TUB: variants seen among roughly 807,000 people sequenced by gnomAD.
TUB encodes tubby protein homolog.
A neutral mutation model predicts 59.7 loss-of-function variants in TUB; 33 were observed. That is an observed-to-expected ratio of 0.55 (90% confidence interval 0.42 to 0.74). The LOEUF is 0.74. Ranked by LOEUF, TUB falls within the 30% of genes least tolerant of loss-of-function variation. TUB has a pLI of 0.00. For synonymous variants in TUB, 293 were observed against 256.4 expected, an observed-to-expected ratio of 1.14 and a Z score of -1.36; for missense variants, 659 against 672.0, an observed-to-expected ratio of 0.98 and a Z score of 0.21.
At chr11:8,067,843 C>T (rs1325166466) in intron 2 of TUB, 3 of 152,322 alleles carry the variant, frequency 2.0e-5, no homozygotes, top group African/African-American at 7.2e-5. Flanking sequence ...ATGCGCTTTT[C>T]CAGTCACTTG....
In TUB at chr11:8,066,171, C is replaced by A. The variant is rs188560877; in HGVS notation, c.204-23439C>A. ...TGCCAGGGGAAGAATGGGCACTCTG[C>A]AGTTCTCTCCTCTAGCCCAGGGTGT... On this transcript the variant is annotated intron_variant, in intron 2 of 12. Transcript: ENST00000305253. 5.3e-5 allele frequency among the ~76,000 whole-genome samples: 8 copies of A among 152,290 alleles called. No homozygotes were observed. The East Asian group carries it at 1.5e-3, about 29-fold the overall frequency.
At chr11:8,073,714 C>A (rs1452677370) in intron 2 of TUB, among the ~76,000 whole-genome samples, 2 of 152,224 alleles carry the variant, frequency 1.3e-5, no homozygotes, top group Non-Finnish European at 2.9e-5. Flanking sequence ...AGCCTCAGAA[C>A]CACTCTTTCT....
In TUB at chr11:8,101,673, T is replaced by C; in HGVS notation, c.*54T>C. On this transcript the variant is annotated 3_prime_UTR_variant, in exon 12 of 12. Coordinates refer to ENST00000299506, the MANE Select transcript of TUB (RefSeq NM_177972.3). Reference sequence around the variant, plus strand: ...CAGCCTGGAGCGGAGCTTGCCTGCCTGCCTGTGGAGACAGCCCTGCCTATC... The same window carrying C: ...CAGCCTGGAGCGGAGCTTGCCTGCCCGCCTGTGGAGACAGCCCTGCCTATC... 1 of 1,598,646 alleles carries C rather than the reference T, an allele frequency of 6.3e-7. No homozygotes were observed. The highest frequency in any genetic ancestry group is 8.5e-7 in the Non-Finnish European group (1 of 1,172,852).
At chr11:8,054,319 A>G (rs1300849371) in intron 2 of TUB, among the ~76,000 whole-genome samples, 2 of 152,242 alleles carry the variant, frequency 1.3e-5, no homozygotes, top group South Asian at 2.1e-4. Flanking sequence ...CTAGAAATAT[A>G]GTAAGATTCA....
chr11:8,060,942 A>AG (rs1213669507), intron 2 of TUB, among the ~76,000 whole-genome samples: 3 of 152,206 alleles, frequency 2.0e-5, no homozygotes, highest in Non-Finnish European at 4.4e-5. Context: ...ATGCTTATGT[A>AG]GGCCTGGGCT....
At chr11:8,063,742 C>G (rs1188208011) in intron 2 of TUB, among the ~76,000 whole-genome samples, 1 of 152,128 alleles carries the variant, frequency 6.6e-6, no homozygotes. Context: ...AGGGCATGAA[C>G]AATTTTATAG....
At chr11:8,082,036 G>T (rs992750362) in intron 1 of TUB, among the ~76,000 whole-genome samples, 41 of 152,180 alleles carry the variant, frequency 2.7e-4, no homozygotes, top group Admixed American at 9.8e-4. Flanking sequence ...TGGTCATGTG[G>T]ACATGCACCC....
In TUB at chr11:8,086,138, G is replaced by A. The variant is rs528905504; in HGVS notation, c.39-3472G>A. Among the ~76,000 whole-genome samples the A allele has an allele frequency of 4.6e-5, 7 of 152,334 alleles. No homozygotes were observed. In the South Asian group the frequency reaches 6.2e-4, roughly 14 times the overall value. On this transcript the variant is annotated intron_variant, in intron 1 of 11. Coordinates refer to ENST00000299506, the MANE Select transcript of TUB (RefSeq NM_177972.3). ...TCAGCTGAAAGACCTATCCATCAGC[G>A]CCCTGTCTCTTGTCTGAGTCTCCTG...
chr11:8,026,632 T>G (rs1942503802), intron 1 of TUB, among the ~76,000 whole-genome samples: 1 of 152,240 alleles, frequency 6.6e-6, no homozygotes, highest in Admixed American at 6.5e-5. Flanking sequence ...GTGTCTTTAT[T>G]GATGCCAATA....
At chr11:8,066,017 C>A (rs4758278) in intron 2 of TUB, among the ~76,000 whole-genome samples, 57,201 of 151,844 alleles carry the variant, frequency 0.38, 11,755 homozygotes, top group South Asian at 0.5. Context: ...TGGGATTGGT[C>A]AGACATGAAA....
Position 8,081,312 on chromosome 11 carries a change from C to T in TUB, c.-199C>T. 9.5e-6 allele frequency: 9 copies of T among 950,504 alleles called. No homozygotes were observed. The highest frequency in any genetic ancestry group is 1.0e-5 in the Non-Finnish European group (8 of 798,384). The allele number at this position is 950,504 out of a possible 1,614,324, so 58.9% of individuals were successfully genotyped here. On this transcript the variant is annotated 5_prime_UTR_variant, in exon 1 of 12. Coordinates refer to ENST00000299506, the MANE Select transcript of TUB (RefSeq NM_177972.3). ...CACTCCCGGAGCTTCGCCCATCTCG[C>T]CTCGCCGCGCCGCGCAGGCAGCCGC...
At chr11:8,051,410 T>G (rs1942933323) in intron 2 of TUB, among the ~76,000 whole-genome samples, 1 of 152,244 alleles carries the variant, frequency 6.6e-6, no homozygotes, top group African/African-American at 2.4e-5. Flanking sequence ...TTTATTTTGG[T>G]TATTTCCATA....
At chr11:8,028,873 G>A (rs934923153) in intron 1 of TUB, among the ~76,000 whole-genome samples, 27 of 152,250 alleles carry the variant, frequency 1.8e-4, no homozygotes, top group African/African-American at 2.4e-4. Context: ...TTAGCTGGGC[G>A]TTGTGGCACA....
chr11:8,071,760 A>G (rs1310429011), intron 2 of TUB, among the ~76,000 whole-genome samples: 1 of 152,242 alleles, frequency 6.6e-6, no homozygotes, highest in African/African-American at 2.4e-5. Flanking sequence ...GTGCAGGGCC[A>G]GGAGGCTGGG....
upstream of TUB, among the ~76,000 whole-genome samples, chr11:8,037,546 C>G (rs1218898621): frequency 6.6e-6 from 1 of 152,170 alleles, no homozygotes; most frequent in Non-Finnish European, 1.5e-5. Flanking sequence ...CCTTCTGATA[C>G]TTGAAATTGG....
chr11:8,023,484 C>T (rs77881544), intron 1 of TUB, among the ~76,000 whole-genome samples: 178 of 152,330 alleles, frequency 1.2e-3, no homozygotes, highest in South Asian at 2.1e-3. Flanking sequence ...TCAGGCTACA[C>T]CCTGGTCTCA....
At chr11:8,067,452 A>G (rs1943267549) in intron 2 of TUB, 1 of 152,240 alleles carries the variant, frequency 6.6e-6, no homozygotes, top group Non-Finnish European at 1.5e-5. Flanking sequence ...GGGACCCTAT[A>G]TGCTGTTAGC....
At chr11:8,039,221 G>T (rs1044369147) in intron 1 of TUB, among the ~76,000 whole-genome samples, 1 of 152,142 alleles carries the variant, frequency 6.6e-6, no homozygotes, top group Non-Finnish European at 1.5e-5. Flanking sequence ...GGTGATCAGG[G>T]AGGCTTCATT....
intron 1 of TUB, among the ~76,000 whole-genome samples, chr11:8,087,622 C>T (rs61879642): frequency 6.6e-5 from 10 of 152,382 alleles, no homozygotes; most frequent in African/African-American, 2.2e-4. Flanking sequence ...GCATTTTTCA[C>T]GTGTGTCCTG....
Sources: allele counts gnomAD v4.1 joint callset (sites outside exome capture counted in the v4.1 genomes callset), GRCh38; gene constraint gnomAD v4.1.1; transcripts MANE v1.5; gene names NCBI Gene and HGNC (gene_info 2026-07-23, HGNC 2026-07-21).